DGKB: variants seen among roughly 807,000 people sequenced by gnomAD.
The protein encoded by DGKB is diacylglycerol kinase beta.
Under a neutral mutation model 114.3 loss-of-function variants are expected in DGKB, and 67 were observed. That is an observed-to-expected ratio of 0.59 (90% CI 0.48 to 0.72). The LOEUF (loss-of-function observed/expected upper bound fraction) is 0.72. DGKB is among the 30% of genes least tolerant of loss of function. The pLI, the probability that DGKB is intolerant of heterozygous loss-of-function variation, is 0.00. For synonymous variants in DGKB, 398 were observed against 323.1 expected (o/e 1.23, Z -2.49); for missense variants, 907 against 975.2 (o/e 0.93, Z 0.93).
chr7:14,205,459 A>C (rs1384190641), intron 23 of DGKB, among the ~76,000 whole-genome samples: 2 of 151,856 alleles, frequency 1.3e-5, no homozygotes, highest in Non-Finnish European at 2.9e-5. Flanking sequence ...GAAGTTATAC[A>C]TTGTTGGCCA....
intron 21 of DGKB, among the ~76,000 whole-genome samples, chr7:14,358,505 A>C (rs958596819): frequency 6.6e-5 from 10 of 152,142 alleles, no homozygotes; most frequent in African/African-American, 7.2e-5. Context: ...GAAAATAAGA[A>C]GTCAAATTTT....
chr7:14,463,519 C>G (rs1351307043), intron 21 of DGKB, among the ~76,000 whole-genome samples: 44 of 152,122 alleles, frequency 2.9e-4, no homozygotes, highest in Admixed American at 2.9e-3. Flanking sequence ...GTATGATACT[C>G]CAACCACTGC....
intron 1 of DGKB, among the ~76,000 whole-genome samples, chr7:14,909,842 TA>T: frequency 6.6e-6 from 1 of 152,096 alleles, no homozygotes; most frequent in East Asian, 1.9e-4. Flanking sequence ...ACATCAAAAT[TA>T]AGAGGGGAAA....
intron 1 of DGKB, among the ~76,000 whole-genome samples, chr7:14,858,078 C>T (rs934300588): frequency 6.6e-6 from 1 of 152,056 alleles, no homozygotes; most frequent in Non-Finnish European, 1.5e-5. Flanking sequence ...CATTGTAATG[C>T]AAATGGATAT....
At chr7:14,424,920 TAGATA>T (rs1333678768) in intron 21 of DGKB, among the ~76,000 whole-genome samples, 1 of 152,134 alleles carries the variant, frequency 6.6e-6, no homozygotes, top group African/African-American at 2.4e-5. Context: ...CAGCCAAAGA[TAGATA>T]AGATGAGTTC....
chr7:14,725,771 C>G (rs1380519491), intron 5 of DGKB, among the ~76,000 whole-genome samples: 1 of 152,102 alleles, frequency 6.6e-6, no homozygotes, highest in Non-Finnish European at 1.5e-5. Flanking sequence ...TGGTCTCAAA[C>G]TCCCGACCTC....
At chr7:14,789,029 C>G (rs1038262453) in intron 2 of DGKB, among the ~76,000 whole-genome samples, 4 of 151,956 alleles carry the variant, frequency 2.6e-5, no homozygotes, top group African/African-American at 9.7e-5. Flanking sequence ...ATTCAGTACT[C>G]CAGACCCAAC....
chr7:14,674,843 C>G (rs944879749), intron 12 of DGKB, among the ~76,000 whole-genome samples: 7 of 152,060 alleles, frequency 4.6e-5, no homozygotes, highest in Non-Finnish European at 1.0e-4. Context: ...AGAAAGCCTT[C>G]AGAGGGAGGA....
chr7:14,260,000 TG>T (rs1248673922), intron 23 of DGKB, among the ~76,000 whole-genome samples: 1 of 152,200 alleles, frequency 6.6e-6, no homozygotes, highest in African/African-American at 2.4e-5. Flanking sequence ...TTTTATCTTC[TG>T]GGTTTGAAAT....
chr7:14,439,660 T>TAA (rs1239846147), intron 21 of DGKB, among the ~76,000 whole-genome samples: 1 of 151,970 alleles, frequency 6.6e-6, no homozygotes, highest in Non-Finnish European at 1.5e-5. Flanking sequence ...GGTCAGGAGT[T>TAA]TGAGACCAGC....
At chr7:14,231,083 CT>C (rs1791675282) in intron 23 of DGKB, among the ~76,000 whole-genome samples, 1 of 27,468 alleles carries the variant, frequency 3.6e-5, no homozygotes, top group African/African-American at 1.8e-4. Flanking sequence ...TCTTCTTTCC[CT>C]TTCTTTCTTT....
At chr7:14,842,618 C>A (rs1265542027) in intron 1 of DGKB, among the ~76,000 whole-genome samples, 1 of 152,190 alleles carries the variant, frequency 6.6e-6, no homozygotes, top group African/African-American at 2.4e-5. Flanking sequence ...CTGCTGATTT[C>A]ATCTTTCACA....
Position 14,171,919 on chromosome 7 carries a change from A to C in DGKB, c.2304+4920T>G, listed in dbSNP as rs568263012. On this transcript the variant is annotated intron_variant, in intron 25 of 25. Transcript: ENST00000402815. ...CCAAATCATGGTCCATGACCTCAGT[A>C]AGCCTGTGTCTAAAAGGAGCTGGAC... is the stretch of plus-strand genomic sequence containing the variant. Among the ~76,000 whole-genome samples, 34 of 152,330 alleles carry C rather than the reference A, an allele frequency of 2.2e-4. No individual in the cohort carries two copies. The East Asian group carries it at 6.4e-3, about 29-fold the overall frequency.
At chr7:14,735,048 T>C (rs1831507458) in intron 5 of DGKB, among the ~76,000 whole-genome samples, 1 of 152,180 alleles carries the variant, frequency 6.6e-6, no homozygotes, top group Admixed American at 6.5e-5. Flanking sequence ...GGCGGTAGCA[T>C]GTTGTCTCTA....
chr7:14,306,365 T>C (rs958348006), intron 23 of DGKB, among the ~76,000 whole-genome samples: 2 of 152,232 alleles, frequency 1.3e-5, no homozygotes, highest in African/African-American at 4.8e-5. Flanking sequence ...GAGGGATACA[T>C]GATTCTACAT....
chr7:14,720,474 TGTG>T (rs1193226797), intron 5 of DGKB, among the ~76,000 whole-genome samples: 1 of 4,914 alleles, frequency 2.0e-4, no homozygotes, highest in Non-Finnish European at 3.5e-4. Flanking sequence ...CCGGCTGATT[TGTG>T]TGTGTGTGTG....
chr7:14,151,741 G>GTTGT (rs1323074914), intron 25 of DGKB, among the ~76,000 whole-genome samples: 1 of 151,846 alleles, frequency 6.6e-6, no homozygotes, highest in African/African-American at 2.4e-5. Context: ...CTTTTTGTCT[G>GTTGT]TTGTTTATGG....
At chr7:14,343,948 A>G (rs1273898073) in intron 22 of DGKB, among the ~76,000 whole-genome samples, 1 of 141,720 alleles carries the variant, frequency 7.1e-6, no homozygotes, top group Non-Finnish European at 1.5e-5. Flanking sequence ...AATATATATA[A>G]CTAAATATAT....
intron 23 of DGKB, among the ~76,000 whole-genome samples, chr7:14,278,552 T>C (rs193232555): frequency 1.7e-4 from 26 of 152,048 alleles, no homozygotes; most frequent in South Asian, 8.3e-4. Flanking sequence ...GAATAAAACA[T>C]GGGGAAAATG....
Sources: gnomAD v4.1 joint callset for allele counts (sites outside exome capture counted in the v4.1 genomes callset) on GRCh38, gnomAD v4.1.1 for gene constraint, MANE v1.5 for transcripts, NCBI Gene and HGNC (gene_info 2026-07-23, HGNC 2026-07-21) for gene names.